Variants in DDHD1 observed in about 807,000 individuals in gnomAD.
DDHD1 encodes phospholipase DDHD1.
Under a neutral mutation model 96.4 loss-of-function variants are expected in DDHD1, and 49 were observed. That is an observed-to-expected ratio of 0.51 (90% CI 0.40 to 0.64). DDHD1 has a LOEUF of 0.64. Among genes scored for constraint, DDHD1 ranks in the 30% least tolerant of loss-of-function variants. The pLI is 0.00. For synonymous variants in DDHD1, 442 were observed against 446.5 expected (o/e 0.99, Z 0.13); for missense variants, 1,106 against 1,161.2 (o/e 0.95, Z 0.69).
chr14:53,130,937 G>A (rs563824682), intron 1 of DDHD1, among the ~76,000 whole-genome samples: 12 of 152,260 alleles, frequency 7.9e-5, no homozygotes, highest in Admixed American at 6.5e-4. Context: ...TTACAGTGGA[G>A]GGTAAGTTCA....
chr14:53,113,390 C>CAAAAA (rs60704615), intron 1 of DDHD1, among the ~76,000 whole-genome samples: 16 of 118,236 alleles, frequency 1.4e-4, no homozygotes, highest in African/African-American at 5.5e-4. Flanking sequence ...CTGTACAAGC[C>CAAAAA]AAAAAAAAAA....
chr14:53,079,167 C>G (rs1885225045), intron 4 of DDHD1, among the ~76,000 whole-genome samples: 1 of 152,038 alleles, frequency 6.6e-6, no homozygotes, highest in Non-Finnish European at 1.5e-5. Context: ...GTTTTCTTTT[C>G]CTTATGATGC....
At chr14:53,068,540 T>C (rs990060231) in intron 6 of DDHD1, among the ~76,000 whole-genome samples, 2 of 152,148 alleles carry the variant, frequency 1.3e-5, no homozygotes, top group African/African-American at 4.8e-5. Context: ...CGTGTGCCAC[T>C]ACACCCAGAC....
At chr14:53,093,565 A>C in intron 2 of DDHD1, 121 bp from the exon 3 acceptor site, 1 of 1,283,492 alleles carries the variant, frequency 7.8e-7, no homozygotes, top group East Asian at 2.5e-5. Flanking sequence ...TATGGAACTT[A>C]ATTCAATAAA....
In DDHD1 at chr14:53,093,399, C is replaced by T. The variant is rs771702737; in HGVS notation, c.1058G>A (p.Ser353Asn). 6.2e-7 allele frequency: 1 copy of T among 1,612,710 alleles called. No individual in the cohort carries two copies. The highest frequency in any genetic ancestry group is 8.5e-7 in the Non-Finnish European group (1 of 1,179,596). Residue 353 changes from serine to asparagine, a missense_variant, in exon 3 of 13, where the codon AGT becomes AAT. Ser to Asn is a conservative substitution (Grantham distance 46). Around this residue, in one of 2 missense-constraint regions of DDHD1, gnomAD observed 650 missense variants for 758.8 expected, o/e 0.86. Transcript: ENST00000673822. Reference sequence around the variant, plus strand: ...ACTATAAAGATATACTTCATCCACACTGTGCCAGTCCACATGGTTTCGACT... The same window carrying T: ...ACTATAAAGATATACTTCATCCACATTGTGCCAGTCCACATGGTTTCGACT... ...KLSRNHVDWH[S>N]VDEVYLYSDA...
chr14:53,117,293 T>C (rs1888620082), intron 1 of DDHD1, among the ~76,000 whole-genome samples: 1 of 152,152 alleles, frequency 6.6e-6, no homozygotes, highest in Non-Finnish European at 1.5e-5. Flanking sequence ...TGGGACTGGT[T>C]GGACAGTGGG....
At chr14:53,119,622 A>C (rs113887363) in intron 1 of DDHD1, among the ~76,000 whole-genome samples, 4,029 of 152,314 alleles carry the variant, frequency 0.026, 166 homozygotes, top group African/African-American at 0.09. Flanking sequence ...AGTCAGCTTC[A>C]TCCCTGGGAT....
At chr14:53,146,914 C>T (rs1224420049) in intron 1 of DDHD1, among the ~76,000 whole-genome samples, 1 of 151,068 alleles carries the variant, frequency 6.6e-6, no homozygotes, top group Non-Finnish European at 1.5e-5. Flanking sequence ...TATCTGTACC[C>T]TTCATCAATG....
intron 4 of DDHD1, among the ~76,000 whole-genome samples, chr14:53,087,767 G>A (rs1018855736): frequency 4.6e-5 from 7 of 151,944 alleles, no homozygotes; most frequent in Non-Finnish European, 7.4e-5. Flanking sequence ...GAAGCAAGAG[G>A]AAACAAATTC....
rs746961248 is a variant in DDHD1 at position 53,152,511 on chromosome 14, G to A, written c.588C>T (p.Thr196=). 1 of 1,613,380 alleles carries A rather than the reference G, an allele frequency of 6.2e-7. No homozygotes were observed. Among genetic ancestry groups the A allele is most frequent in the African/African-American group, 1.3e-5 (1 of 75,052 alleles). ...DSLRIELAFR[T]LLQTTGARPQ... ...GCCGGGCACCCGTGGTCTGCAGCAG[G>A]GTCCGGAAGGCGAGCTCGATGCGGA... Residue 196 remains threonine (T), a synonymous_variant, in exon 1 of 13, where the codon ACC becomes ACT. Transcript: ENST00000673822.
chr14:53,090,546 A>G (rs1434318225), intron 4 of DDHD1, among the ~76,000 whole-genome samples: 1 of 152,216 alleles, frequency 6.6e-6, no homozygotes, highest in Non-Finnish European at 1.5e-5. Flanking sequence ...ACACAGCCAT[A>G]AAAAAGGATG....
chr14:53,136,396 C>G (rs897846959), intron 1 of DDHD1, among the ~76,000 whole-genome samples: 1 of 152,148 alleles, frequency 6.6e-6, no homozygotes, highest in African/African-American at 2.4e-5. Context: ...GCCTAGCACT[C>G]TAATTGAGTT....
intron 11 of DDHD1, chr14:53,053,630 T>A (rs1213050200): frequency 6.6e-6 from 1 of 152,178 alleles, no homozygotes; most frequent in African/African-American, 2.4e-5. Flanking sequence ...AAAATCTGTT[T>A]AAAAATTTCT....
intron 2 of DDHD1, among the ~76,000 whole-genome samples, chr14:53,098,818 C>T (rs570488619): frequency 3.2e-4 from 48 of 152,232 alleles, no homozygotes; most frequent in African/African-American, 1.1e-3. Flanking sequence ...ACACCAACAC[C>T]TGTGCTGCTA....
At position 53,037,680 on chromosome 14, in the gene DDHD1, T is replaced by C. The variant is rs1881362183; in HGVS notation, c.*9088A>G. The C allele has an allele frequency of 6.6e-6, 1 of 152,148 alleles. No individual in the cohort carries two copies. Among genetic ancestry groups the C allele is most frequent in the Non-Finnish European group, 1.5e-5 (1 of 68,006 alleles). 9.4% of individuals were successfully genotyped at this position (152,148 alleles called of 1,614,324 possible). A position where few individuals can be genotyped will look rare whatever the true frequency, so the allele number is the denominator to read the frequency against. On this transcript the variant is annotated 3_prime_UTR_variant, in exon 13 of 13. Transcript: ENST00000673822. ...TGCAAATATTTTCTCCAATTCTGTA[T>C]GTTGTCTGTTTACTCTGTTGATAGT...
At chr14:53,102,963 A>T in intron 2 of DDHD1, 1 of 1,476,734 alleles carries the variant, frequency 6.8e-7, no homozygotes, top group Non-Finnish European at 9.2e-7. Context: ...ATGGATGAAG[A>T]AACGGTTTTA....
intron 4 of DDHD1, among the ~76,000 whole-genome samples, chr14:53,080,588 A>T (rs191483999): frequency 6.1e-4 from 92 of 151,908 alleles, no homozygotes; most frequent in African/African-American, 2.1e-3. Flanking sequence ...ATATTTATCA[A>T]TATTTTTCCT....
rs139950754 is a variant in DDHD1 at position 53,145,145 on chromosome 14, A to G, written c.838+7116T>C. Among the ~76,000 whole-genome samples, 114 of 152,194 alleles carry G rather than the reference A, an allele frequency of 7.5e-4. 5 individuals carry two copies. The East Asian group carries it at 0.016, about 22-fold the overall frequency. On this transcript the variant is annotated intron_variant, in intron 1 of 12. Coordinates refer to ENST00000673822, the MANE Select transcript of DDHD1 (RefSeq NM_001160148.2). ...AGCCTGGACAACGGAGGGAGACTCC[A>G]TCTCAAAAATAATAAAAAAAATAAA...
intron 3 of DDHD1, chr14:53,092,252 T>A (rs1048200936): frequency 5.5e-6 from 1 of 182,558 alleles, no homozygotes; most frequent in African/African-American, 2.4e-5. Context: ...GAAAAAAATA[T>A]GCAAAATATA....
Sources: allele counts gnomAD v4.1 joint callset (sites outside exome capture counted in the v4.1 genomes callset), GRCh38; gene constraint gnomAD v4.1.1; regional missense constraint gnomAD v4.1.1; transcripts MANE v1.5; gene names NCBI Gene and HGNC (gene_info 2026-07-23, HGNC 2026-07-21).